The following USP10 variants were observed in gnomAD, a reference collection of about 807,000 sequenced individuals.
The protein encoded by USP10 is ubiquitin carboxyl-terminal hydrolase 10.
A neutral mutation model predicts 84.5 loss-of-function variants in USP10; 22 were observed. That is an observed-to-expected ratio of 0.26 (90% CI 0.19 to 0.37). The LOEUF (loss-of-function observed/expected upper bound fraction) is 0.37, where lower values mean the gene tolerates loss of function less well. Ranked by LOEUF, USP10 falls within the 10% of genes least tolerant of loss-of-function variation. The pLI is 1.00. For synonymous variants in USP10, 454 were observed against 387.6 expected (o/e 1.17, Z -2.01); for missense variants, 1,019 against 998.9 (o/e 1.02, Z -0.27).
intron 2 of USP10, among the ~76,000 whole-genome samples, chr16:84,737,849 C>A (rs1910129168): frequency 1.3e-5 from 2 of 152,234 alleles, no homozygotes; most frequent in African/African-American, 4.8e-5. Flanking sequence ...CAGTCAGTGC[C>A]ACCTGGTGTC....
At chr16:84,740,244 T>A in intron 2 of USP10, 65 bp from the exon 3 acceptor site, 1 of 1,451,810 alleles carries the variant, frequency 6.9e-7, no homozygotes, top group Middle Eastern at 2.4e-4. Flanking sequence ...TTGCCTTAAT[T>A]AAATGGTAAG....
chr16:84,704,702 A>T (rs1308974896), intron 1 of USP10: 23 of 1,485,660 alleles, frequency 1.5e-5, no homozygotes, highest in Admixed American at 2.4e-5. Flanking sequence ...CAGATCCTAG[A>T]TTTTTTCTGA....
intron 1 of USP10, among the ~76,000 whole-genome samples, chr16:84,717,600 A>T (rs1387364578): frequency 6.6e-6 from 1 of 152,180 alleles, no homozygotes; most frequent in Non-Finnish European, 1.5e-5. Context: ...CTTAGGTGCC[A>T]AGCATTTTAC....
intron 1 of USP10, among the ~76,000 whole-genome samples, chr16:84,707,337 C>G (rs1905664698): frequency 6.6e-6 from 1 of 152,186 alleles, no homozygotes; most frequent in African/African-American, 2.4e-5. Flanking sequence ...TTACTATTCA[C>G]TAAAGTTTGT....
intron 1 of USP10, among the ~76,000 whole-genome samples, chr16:84,723,294 C>A (rs530429140): frequency 6.6e-6 from 1 of 151,986 alleles, no homozygotes; most frequent in South Asian, 2.1e-4. Flanking sequence ...TTCTGTGAAG[C>A]TTAATTCACT....
intron 1 of USP10, among the ~76,000 whole-genome samples, chr16:84,723,343 A>T (rs1021880334): frequency 6.6e-6 from 1 of 152,168 alleles, no homozygotes; most frequent in Non-Finnish European, 1.5e-5. Flanking sequence ...TATAAGTTTA[A>T]GTGTTATACT....
intron 11 of USP10, among the ~76,000 whole-genome samples, chr16:84,768,874 T>C (rs1914137618): frequency 6.6e-6 from 1 of 152,198 alleles, no homozygotes; most frequent in Non-Finnish European, 1.5e-5. Flanking sequence ...AAGGTAAGAT[T>C]CTTGAGTCTT....
At chr16:84,752,370 A>G (rs920426895) in intron 4 of USP10, among the ~76,000 whole-genome samples, 1 of 152,212 alleles carries the variant, frequency 6.6e-6, no homozygotes, top group African/African-American at 2.4e-5. Context: ...ATATGCCCTT[A>G]AAGAAGGTAA....
chr16:84,762,265 A>C (rs1410335870), intron 8 of USP10, among the ~76,000 whole-genome samples: 1 of 152,260 alleles, frequency 6.6e-6, no homozygotes, highest in African/African-American at 2.4e-5. Context: ...AAGCAGACAT[A>C]GGGCTGCTTA....
At chr16:84,718,934 A>T (rs1044134738) in intron 1 of USP10, among the ~76,000 whole-genome samples, 1 of 151,690 alleles carries the variant, frequency 6.6e-6, no homozygotes, top group South Asian at 2.1e-4. Context: ...CTGAGATTAC[A>T]GGCGCCCGCC....
rs1285640531 is a variant in USP10, at chr16:84,744,854, G to C, written c.373G>C (p.Asp125His). The C allele has an allele frequency of 8.7e-6, 14 of 1,613,598 alleles. No individual in the cohort carries two copies. Among genetic ancestry groups the C allele is most frequent in the Non-Finnish European group, 1.2e-5 (14 of 1,179,716 alleles). The change falls in exon 4 of 14, where the codon GAT becomes CAT. Residue 125 changes from aspartate (D) to histidine (H), a missense_variant. Coordinates refer to ENST00000219473, the MANE Select transcript of USP10 (RefSeq NM_005153.3). ...GTACCCAGGCTCTGCCCTCGCTTTGGATGGAAGTTCTAATGTGGAGGCGGA... is the reference window on the plus strand; with the variant it reads ...GTACCCAGGCTCTGCCCTCGCTTTGCATGGAAGTTCTAATGTGGAGGCGGA... ...CQYPGSALAL[D>H]GSSNVEAEVL...
chr16:84,737,900 C>T (rs906374950), intron 2 of USP10, among the ~76,000 whole-genome samples: 2 of 152,258 alleles, frequency 1.3e-5, no homozygotes, highest in Admixed American at 6.5e-5. Context: ...TCAGTCAGCG[C>T]CACCTGGCAT....
chr16:84,703,136 A>C (rs1305469292), intron 1 of USP10, among the ~76,000 whole-genome samples: 1 of 152,170 alleles, frequency 6.6e-6, no homozygotes, highest in Non-Finnish European at 1.5e-5. Flanking sequence ...AAGAATTTGG[A>C]AACATTTTGA....
chr16:84,760,008 T>G, intron 7 of USP10, 62 bp downstream of exon 7: 1 of 1,580,774 alleles, frequency 6.3e-7, no homozygotes, highest in Non-Finnish European at 8.7e-7. Context: ...ACAGATGACT[T>G]AAATTTGGTA....
chr16:84,737,833 A>G (rs1910127790), intron 2 of USP10, among the ~76,000 whole-genome samples: 1 of 152,220 alleles, frequency 6.6e-6, no homozygotes, highest in African/African-American at 2.4e-5. Flanking sequence ...GCACACCCTG[A>G]GTGCCCAGTC....
chr16:84,763,864 T>C (rs910638509), intron 9 of USP10, among the ~76,000 whole-genome samples: 37 of 152,078 alleles, frequency 2.4e-4, no homozygotes, highest in Middle Eastern at 3.2e-3. Flanking sequence ...CCAGTGACGT[T>C]GCACCTGTTG....
Position 84,700,792 on chromosome 16 carries a change from A to T in USP10, c.21+681A>T, listed in dbSNP as rs531207579. On this transcript the variant is annotated intron_variant, in intron 1 of 13. Transcript: ENST00000219473. The stretch of plus-strand genomic sequence containing the variant: ...GACAACTAACGCACCCTGCCTGAAC[A>T]GTAGCTAAAGCTTGGGGGCCCTTTA... Among the ~76,000 whole-genome samples, 13 of 152,282 alleles carry T rather than the reference A, an allele frequency of 8.5e-5. 1 individual carries two copies. The South Asian group carries it at 2.7e-3, about 32-fold the overall frequency.
intron 8 of USP10, among the ~76,000 whole-genome samples, chr16:84,762,026 T>G (rs966833033): frequency 6.6e-6 from 1 of 152,250 alleles, no homozygotes; most frequent in Non-Finnish European, 1.5e-5. Context: ...CAGAACAATT[T>G]GCAGGGCCTT....
At chr16:84,733,120 TG>T (rs754485015) in intron 1 of USP10, 2 of 483,676 alleles carry the variant, frequency 4.1e-6, no homozygotes, top group South Asian at 1.5e-5. Context: ...ATGGAACAAC[TG>T]GCAGTATTTG....
Sources: gnomAD v4.1 joint callset for allele counts (sites outside exome capture counted in the v4.1 genomes callset) on GRCh38, gnomAD v4.1.1 for gene constraint, MANE v1.5 for transcripts, NCBI Gene and HGNC (gene_info 2026-07-23, HGNC 2026-07-21) for gene names.